ANKS1B: variants seen among roughly 807,000 people sequenced by gnomAD.
The protein encoded by ANKS1B is ankyrin repeat and sterile alpha motif domain-containing protein 1B.
ANKS1B carries 36 observed loss-of-function variants against 148.3 expected under a neutral mutation model. The ratio of observed to expected loss-of-function variants is 0.24; its 90% CI spans 0.19 to 0.32. The LOEUF (loss-of-function observed/expected upper bound fraction) is 0.32, where lower values mean the gene tolerates loss of function less well. Among genes scored for constraint, ANKS1B ranks in the 10% least tolerant of loss-of-function variants. The probability of loss-of-function intolerance (pLI) is 1.00; values close to 1 mark genes in which losing one functional copy is unlikely to be tolerated. For missense variants in ANKS1B, 1,157 were observed against 1,542.6 expected, an observed-to-expected ratio of 0.75 and a Z score of 4.19; for synonymous variants, 542 against 560.8, an observed-to-expected ratio of 0.97 and a Z score of 0.47.
chr12:99,650,874 G>A (rs1016097674), intron 9 of ANKS1B, among the ~76,000 whole-genome samples: 10 of 146,738 alleles, frequency 6.8e-5, no homozygotes, highest in Non-Finnish European at 1.2e-4. Flanking sequence ...AAGTCTGCTC[G>A]AGTCTAAAGT....
Position 98,979,328 on chromosome 12 carries a change from C to T in ANKS1B, c.2778+73829G>A, listed in dbSNP as rs544706949. Among the ~76,000 whole-genome samples the T allele has an allele frequency of 6.6e-5, 10 of 150,950 alleles. No individual in the cohort carries two copies. In the South Asian group the frequency reaches 1.5e-3, roughly 22 times the overall value. On this transcript the variant is annotated intron_variant, in intron 17 of 26. Coordinates refer to ENST00000683438, the MANE Select transcript of ANKS1B (RefSeq NM_001352186.2). Reference sequence around the variant, plus strand: ...TGTCGCCCAGGCTGGAGTGCAGTGGCGCAATCTTGGCTCACTGCAACCCCC... The same window carrying T: ...TGTCGCCCAGGCTGGAGTGCAGTGGTGCAATCTTGGCTCACTGCAACCCCC...
chr12:99,744,889 G>A (rs1259349647), intron 8 of ANKS1B, among the ~76,000 whole-genome samples: 2 of 150,098 alleles, frequency 1.3e-5, no homozygotes, highest in African/African-American at 4.9e-5. Context: ...CTACTCAGGA[G>A]GCTGAGGCAG....
chr12:99,666,857 G>GGGGTGT lies in ANKS1B; in HGVS notation c.1129-11648_1129-11647insACACCC, dbSNP rs1555536181. On this transcript the variant is annotated intron_variant, in intron 8 of 26. Coordinates refer to ENST00000683438, the MANE Select transcript of ANKS1B (RefSeq NM_001352186.2). ...CCATCACGTCATATAGTTACTATGGGGTGTGTGTGTGTGTGTGTGTGTGTG... is the reference window on the plus strand; with the variant it reads ...CCATCACGTCATATAGTTACTATGGGGGGTGTGTGTGTGTGTGTGTGTGTGTGTGTG... 5.1e-4 allele frequency among the ~76,000 whole-genome samples: 67 copies of GGGGTGT among 132,628 alleles called. No individual in the cohort carries two copies. In the East Asian group the frequency reaches 5.1e-3, roughly 10 times the overall value. 87.0% of individuals were successfully genotyped at this position (132,628 alleles called of 152,430 possible). A position where few individuals can be genotyped will look rare whatever the true frequency, so the allele number is the denominator to read the frequency against.
At chr12:99,533,857 A>G (rs1276470007) in intron 9 of ANKS1B, among the ~76,000 whole-genome samples, 3 of 152,014 alleles carry the variant, frequency 2.0e-5, no homozygotes. Flanking sequence ...TTTATGTTAA[A>G]TGACTCAATT....
intron 15 of ANKS1B, among the ~76,000 whole-genome samples, chr12:99,134,110 C>T (rs2067082081): frequency 6.6e-6 from 1 of 152,116 alleles, no homozygotes; most frequent in South Asian, 2.1e-4. Context: ...ATTACTACTG[C>T]TTTTTATAGA....
At chr12:98,901,693 G>T (rs1437732426) in intron 17 of ANKS1B, among the ~76,000 whole-genome samples, 1 of 152,194 alleles carries the variant, frequency 6.6e-6, no homozygotes, top group African/African-American at 2.4e-5. Context: ...GAGAGAGAAA[G>T]AGTGTCTGTG....
intron 4 of ANKS1B, among the ~76,000 whole-genome samples, chr12:99,785,279 G>A (rs1602102768): frequency 6.7e-6 from 1 of 148,684 alleles, no homozygotes; most frequent in Non-Finnish European, 1.5e-5. Flanking sequence ...GTGTGTGTGT[G>A]TGTCTGTGTG....
intron 10 of ANKS1B, among the ~76,000 whole-genome samples, chr12:99,456,354 A>G (rs1237610875): frequency 2.6e-5 from 4 of 152,180 alleles, no homozygotes; most frequent in Admixed American, 2.0e-4. Context: ...GTAATATGAC[A>G]AAACAAGGTT....
At chr12:99,520,682 G>A (rs1433658079) in intron 9 of ANKS1B, among the ~76,000 whole-genome samples, 1 of 152,044 alleles carries the variant, frequency 6.6e-6, no homozygotes, top group African/African-American at 2.4e-5. Flanking sequence ...CCTCTTTAAG[G>A]CCAATAACTC....
At chr12:99,801,728 G>A (rs2066976973) in intron 4 of ANKS1B, among the ~76,000 whole-genome samples, 1 of 152,102 alleles carries the variant, frequency 6.6e-6, no homozygotes, top group Non-Finnish European at 1.5e-5. Context: ...GTACAGTTGA[G>A]AAAGAAAAAA....
intron 9 of ANKS1B, among the ~76,000 whole-genome samples, chr12:99,615,678 C>G (rs1355567580): frequency 6.6e-6 from 1 of 152,104 alleles, no homozygotes; most frequent in Non-Finnish European, 1.5e-5. Context: ...AAACCCATAG[C>G]CAATATCATA....
intron 1 of ANKS1B, among the ~76,000 whole-genome samples, chr12:99,871,393 G>A (rs1185276499): frequency 6.6e-6 from 1 of 152,112 alleles, no homozygotes; most frequent in East Asian, 1.9e-4. Context: ...GGCTATTTGG[G>A]CTCTTTTTTT....
At chr12:98,769,165 C>CTTTTTGTTTTTTTT (rs2098532550) in intron 25 of ANKS1B, among the ~76,000 whole-genome samples, 1 of 41,216 alleles carries the variant, frequency 2.4e-5, no homozygotes, top group Non-Finnish European at 4.4e-5. Context: ...GTCTTCTTTA[C>CTTTTTGTTTTTTTT]TTTTTTTTTT....
chr12:98,872,470 T>G (rs1440384003), intron 17 of ANKS1B, among the ~76,000 whole-genome samples: 1 of 152,114 alleles, frequency 6.6e-6, no homozygotes, highest in Admixed American at 6.5e-5. Flanking sequence ...GTCCACGAGT[T>G]GGAGGTTGCA....
At chr12:99,075,178 T>C (rs1599483582) in intron 16 of ANKS1B, among the ~76,000 whole-genome samples, 2 of 152,294 alleles carry the variant, frequency 1.3e-5, no homozygotes, top group South Asian at 2.1e-4. Context: ...TTGGCCTAAT[T>C]TGCAGTTTAA....
At chr12:99,481,021 A>G (rs1014790706) in intron 10 of ANKS1B, among the ~76,000 whole-genome samples, 2 of 151,416 alleles carry the variant, frequency 1.3e-5, no homozygotes, top group Admixed American at 1.3e-4. Flanking sequence ...TTAAGAGCAA[A>G]TGTCTTTTTT....
chr12:99,223,860 T>G (rs2153941269), intron 14 of ANKS1B, among the ~76,000 whole-genome samples: 1 of 152,312 alleles, frequency 6.6e-6, no homozygotes, highest in East Asian at 1.9e-4. Flanking sequence ...CTGTGAAGCG[T>G]TTGACTGTAC....
intron 9 of ANKS1B, among the ~76,000 whole-genome samples, chr12:99,624,751 A>T (rs1329705504): frequency 6.6e-6 from 1 of 152,144 alleles, no homozygotes; most frequent in Non-Finnish European, 1.5e-5. Flanking sequence ...AAAAAATAGC[A>T]GAAGTTGATG....
chr12:99,650,690 C>A (rs2098413643), intron 9 of ANKS1B, among the ~76,000 whole-genome samples: 1 of 152,002 alleles, frequency 6.6e-6, no homozygotes, highest in African/African-American at 2.4e-5. Context: ...AAGATAATTG[C>A]AAAGCACTCA....
Sources: gnomAD v4.1 joint callset for allele counts (sites outside exome capture counted in the v4.1 genomes callset) on GRCh38, gnomAD v4.1.1 for gene constraint, MANE v1.5 for transcripts, NCBI Gene and HGNC (gene_info 2026-07-23, HGNC 2026-07-21) for gene names.